Variants in NCOA1 observed in about 807,000 individuals in gnomAD.
The protein encoded by NCOA1 is Hin-2 protein.
A neutral mutation model predicts 150.9 loss-of-function variants in NCOA1; 35 were observed. The observed-to-expected ratio is 0.23, with a 90% confidence interval of 0.18 to 0.31. The LOEUF (loss-of-function observed/expected upper bound fraction) is 0.31. NCOA1 is among the 10% of genes least tolerant of loss of function. The pLI is 1.00. For missense variants in NCOA1, 1,491 were observed against 1,749.3 expected, an observed-to-expected ratio of 0.85 and a Z score of 2.63; for synonymous variants, 590 against 630.0, an observed-to-expected ratio of 0.94 and a Z score of 0.95.
intron 3 of NCOA1, among the ~76,000 whole-genome samples, chr2:24,590,363 A>G (rs1449965680): frequency 2.0e-5 from 3 of 152,294 alleles, no homozygotes; most frequent in South Asian, 4.1e-4. Flanking sequence ...TTTTAATTGT[A>G]GTAGAGACTC....
chr2:24,703,289 A>T (rs1273193920), intron 11 of NCOA1, among the ~76,000 whole-genome samples: 1 of 152,176 alleles, frequency 6.6e-6, no homozygotes, highest in African/African-American at 2.4e-5. Context: ...TGACCTCTTC[A>T]TCTGAACAAT....
intron 1 of NCOA1, among the ~76,000 whole-genome samples, chr2:24,525,637 C>A (rs1433428395): frequency 6.6e-6 from 1 of 151,724 alleles, no homozygotes; most frequent in African/African-American, 2.4e-5. Context: ...GCCTCTGCCT[C>A]CTGGGTTCAT....
rs1319419977 is a variant in NCOA1 at position 24,658,515 on chromosome 2, C to G, written c.-17-146C>G. Reference sequence around the variant, plus strand: ...ATGACCTCTGTACTTTTATGTAGATCTTCATGTTTTTATGATGGCTGTAAT... The same window carrying G: ...ATGACCTCTGTACTTTTATGTAGATGTTCATGTTTTTATGATGGCTGTAAT... On this transcript the variant is annotated intron_variant, in intron 4 of 22. Coordinates refer to ENST00000348332, the MANE Select transcript of NCOA1 (RefSeq NM_003743.5). 19 of 596,280 alleles carry G rather than the reference C, an allele frequency of 3.2e-5. No individual in the cohort carries two copies. In the East Asian group the frequency reaches 5.3e-4, roughly 17 times the overall value. 36.9% of individuals were successfully genotyped at this position (596,280 alleles called of 1,614,324 possible).
chr2:24,723,625 A>G (rs890262611), intron 14 of NCOA1, among the ~76,000 whole-genome samples: 1 of 152,144 alleles, frequency 6.6e-6, no homozygotes, highest in Non-Finnish European at 1.5e-5. Flanking sequence ...TAGGTATCTC[A>G]ATGTCATTTT....
Position 24,707,208 on chromosome 2 carries a change from G to T in NCOA1, c.1738G>T (p.Ala580Ser). Reference protein sequence around the residue: ...PSRLNIQPAKAESKDNKEIAS... With the variant: ...PSRLNIQPAKSESKDNKEIAS... Reference sequence around the variant, plus strand: ...CAGATTAAATATACAACCAGCAAAAGCTGAGTCCAAAGATAACAAAGAGAT... The same window carrying T: ...CAGATTAAATATACAACCAGCAAAATCTGAGTCCAAAGATAACAAAGAGAT... The change falls in exon 13 of 23, where the codon GCT becomes TCT. Residue 580 changes from alanine to serine, a missense_variant. Transcript: ENST00000348332. The T allele has an allele frequency of 6.2e-7, 1 of 1,614,162 alleles. No homozygotes were observed. Among genetic ancestry groups the T allele is most frequent in the Non-Finnish European group, 8.5e-7 (1 of 1,180,036 alleles).
chr2:24,730,871 C>CAAA (rs35975198), intron 17 of NCOA1, among the ~76,000 whole-genome samples: 25 of 61,834 alleles, frequency 4.0e-4, no homozygotes, highest in South Asian at 1.6e-3. Flanking sequence ...ACTAAAAGTA[C>CAAA]AAAAAAAAAA....
At chr2:24,676,630 A>G (rs2148526837) in intron 7 of NCOA1, among the ~76,000 whole-genome samples, 1 of 152,334 alleles carries the variant, frequency 6.6e-6, no homozygotes, top group Admixed American at 6.5e-5. Flanking sequence ...CCAGGCTGAA[A>G]TGACTCAAAT....
intron 3 of NCOA1, among the ~76,000 whole-genome samples, chr2:24,622,688 C>T (rs931516306): frequency 5.9e-5 from 9 of 152,138 alleles, no homozygotes; most frequent in African/African-American, 2.2e-4. Flanking sequence ...ATTACATTGC[C>T]ATAATTTTAA....
intron 1 of NCOA1, among the ~76,000 whole-genome samples, chr2:24,534,284 G>A (rs1665027594): frequency 6.6e-6 from 1 of 152,114 alleles, no homozygotes; most frequent in Non-Finnish European, 1.5e-5. Context: ...GGGATCGGTG[G>A]TGATAATCCC....
intron 3 of NCOA1, among the ~76,000 whole-genome samples, chr2:24,602,792 G>A (rs994788079): frequency 2.2e-4 from 33 of 152,116 alleles, no homozygotes; most frequent in African/African-American, 7.5e-4. Context: ...GAACTAAGCA[G>A]TGTCATGTAC....
intron 3 of NCOA1, among the ~76,000 whole-genome samples, chr2:24,634,374 A>G (rs1480793781): frequency 6.6e-6 from 1 of 152,164 alleles, no homozygotes; most frequent in African/African-American, 2.4e-5. Flanking sequence ...ATATCTTTAA[A>G]TTCTGGCCCT....
At chr2:24,735,082 T>G (rs1483974637) in intron 17 of NCOA1, among the ~76,000 whole-genome samples, 6 of 152,218 alleles carry the variant, frequency 3.9e-5, no homozygotes, top group Non-Finnish European at 7.3e-5. Context: ...TCTAAGTGTT[T>G]TAGTGACCTA....
intron 3 of NCOA1, among the ~76,000 whole-genome samples, chr2:24,603,719 A>G (rs1229688037): frequency 2.0e-5 from 3 of 152,216 alleles, no homozygotes; most frequent in Admixed American, 1.3e-4. Flanking sequence ...TGTTTTTACC[A>G]TATCTGCGGT....
intron 1 of NCOA1, among the ~76,000 whole-genome samples, chr2:24,511,936 A>G (rs1046165737): frequency 6.6e-6 from 1 of 152,170 alleles, no homozygotes; most frequent in Non-Finnish European, 1.5e-5. Flanking sequence ...AAAGCTCATT[A>G]TATTCCAAAT....
chr2:24,501,853 T>C (rs1572352615), intron 1 of NCOA1, among the ~76,000 whole-genome samples: 1 of 152,178 alleles, frequency 6.6e-6, no homozygotes, highest in East Asian at 1.9e-4. Context: ...TGGTTTAGGA[T>C]CTCTGTTTTT....
At chr2:24,614,945 A>G (rs1668809672) in intron 3 of NCOA1, among the ~76,000 whole-genome samples, 1 of 152,226 alleles carries the variant, frequency 6.6e-6, no homozygotes, top group African/African-American at 2.4e-5. Flanking sequence ...CAAGAATCCT[A>G]TAGCTACCAC....
intron 1 of NCOA1, among the ~76,000 whole-genome samples, chr2:24,511,030 C>A (rs1663915655): frequency 6.6e-6 from 1 of 152,114 alleles, no homozygotes; most frequent in Admixed American, 6.6e-5. Context: ...CCACAGGCAC[C>A]CACTAATCTA....
intron 19 of NCOA1, among the ~76,000 whole-genome samples, chr2:24,745,287 G>C (rs556412627): frequency 6.7e-6 from 1 of 149,404 alleles, no homozygotes; most frequent in Non-Finnish European, 1.5e-5. Flanking sequence ...TCAGCCTCCC[G>C]AGTAGCTGGG....
chr2:24,741,666 C>T, intron 18 of NCOA1, 118 bp from the exon 19 acceptor site: 1 of 1,114,748 alleles, frequency 9.0e-7, no homozygotes, highest in Non-Finnish European at 1.3e-6. Flanking sequence ...TTCCCTTGTA[C>T]AGTGATAATT....
Sources: allele counts gnomAD v4.1 joint callset (sites outside exome capture counted in the v4.1 genomes callset), GRCh38; gene constraint gnomAD v4.1.1; transcripts MANE v1.5; gene names NCBI Gene and HGNC (gene_info 2026-07-23, HGNC 2026-07-21).